Variants in LMX1A observed in about 807,000 individuals in gnomAD.
LMX1A encodes LIM homeobox transcription factor 1 alpha.
In LMX1A, 15 loss-of-function variants were observed where a neutral mutation model predicts 49.1. The ratio of observed to expected loss-of-function variants is 0.31; its 90% CI spans 0.20 to 0.47. The LOEUF (loss-of-function observed/expected upper bound fraction) is 0.47. LMX1A is among the 20% of genes least tolerant of loss of function. LMX1A has a pLI of 1.00. For synonymous variants in LMX1A, 167 were observed against 185.7 expected (o/e 0.90, Z 0.82); for missense variants, 372 against 475.8 (o/e 0.78, Z 2.03).
intron 3 of LMX1A, among the ~76,000 whole-genome samples, chr1:165,251,076 T>C (rs1374251654): frequency 7.1e-6 from 1 of 141,104 alleles, no homozygotes; most frequent in Middle Eastern, 3.4e-3. Context: ...TTGGGAGTAT[T>C]GAATGGCTTT....
rs560809891 is a variant in LMX1A, at chr1:165,202,367, C to G, written c.*1513G>C. On this transcript the variant is annotated 3_prime_UTR_variant, in exon 9 of 9. Transcript: ENST00000342310. ...ACAATGGCTGCTGGGTCTTCTGTGC[C>G]GAGGATCAGAGGAGTGAGTTGGAAG... 1 of 152,580 alleles carries G rather than the reference C, an allele frequency of 6.6e-6. No individual in the cohort carries two copies. Among genetic ancestry groups the G allele is most frequent in the Non-Finnish European group, 1.5e-5 (1 of 68,100 alleles). The allele number at this position is 152,580 out of a possible 1,614,324, so 9.5% of individuals were successfully genotyped here. A position where few individuals can be genotyped will look rare whatever the true frequency, so the allele number is the denominator to read the frequency against.
At chr1:165,269,948 A>T (rs1653747459) in intron 3 of LMX1A, among the ~76,000 whole-genome samples, 1 of 152,036 alleles carries the variant, frequency 6.6e-6, no homozygotes, top group South Asian at 2.1e-4. Flanking sequence ...TGCTGGGCTT[A>T]ATACCTGGGT....
At chr1:165,323,010 G>A (rs1655467443) in intron 3 of LMX1A, among the ~76,000 whole-genome samples, 1 of 151,954 alleles carries the variant, frequency 6.6e-6, no homozygotes, top group Non-Finnish European at 1.5e-5. Context: ...TTCCTCAAAT[G>A]CTATTTTCTT....
intron 3 of LMX1A, among the ~76,000 whole-genome samples, chr1:165,287,379 G>C (rs866101612): frequency 6.6e-6 from 1 of 152,072 alleles, no homozygotes; most frequent in East Asian, 1.9e-4. Flanking sequence ...TACACCTCTC[G>C]GACTACACCT....
At chr1:165,339,040 C>T (rs1655984883) in intron 3 of LMX1A, among the ~76,000 whole-genome samples, 1 of 152,230 alleles carries the variant, frequency 6.6e-6, no homozygotes, top group African/African-American at 2.4e-5. Context: ...GGTAAAGGCA[C>T]TGCAATAAAT....
At chr1:165,305,387 T>A (rs1654893154) in intron 3 of LMX1A, among the ~76,000 whole-genome samples, 1 of 151,962 alleles carries the variant, frequency 6.6e-6, no homozygotes, top group Non-Finnish European at 1.5e-5. Flanking sequence ...TATAACACCA[T>A]CTGGGATGGA....
rs1571199366 is a variant in LMX1A, at chr1:165,281,526, A to G, written c.264-31886T>C. ...GTCCAGCTCAAACCCAGGAGACTGA[A>G]GAGACTCCAGGATTTCTAGAGGTGA... On this transcript the variant is annotated intron_variant, in intron 3 of 8. Coordinates refer to ENST00000342310, the MANE Select transcript of LMX1A (RefSeq NM_177398.4). 2.0e-5 allele frequency among the ~76,000 whole-genome samples: 3 copies of G among 152,360 alleles called. No homozygotes were observed. The South Asian group carries it at 6.2e-4, about 32-fold the overall frequency.
intron 3 of LMX1A, among the ~76,000 whole-genome samples, chr1:165,318,508 G>A (rs756956966): frequency 3.3e-5 from 5 of 152,198 alleles, no homozygotes; most frequent in South Asian, 2.1e-4. Flanking sequence ...CCATTTGCTC[G>A]TAAGCTGTGG....
At chr1:165,215,055 A>C (rs2881865) in intron 4 of LMX1A, among the ~76,000 whole-genome samples, 151,220 of 152,302 alleles carry the variant, frequency 0.99, 75,086 homozygotes, top group East Asian at 1. Context: ...TGGTGGCTCA[A>C]GCCTATAATC....
intron 4 of LMX1A, among the ~76,000 whole-genome samples, chr1:165,217,803 G>A (rs1223272865): frequency 6.6e-6 from 1 of 152,176 alleles, no homozygotes; most frequent in Non-Finnish European, 1.5e-5. Context: ...GTTTGTCTCT[G>A]GAGTGTTTCT....
At chr1:165,330,297 G>C (rs769943359) in intron 3 of LMX1A, among the ~76,000 whole-genome samples, 3 of 152,142 alleles carry the variant, frequency 2.0e-5, no homozygotes, top group Non-Finnish European at 2.9e-5. Context: ...AACATAGAGA[G>C]ATCCTGTCCC....
intron 3 of LMX1A, among the ~76,000 whole-genome samples, chr1:165,250,863 C>T (rs1653034603): frequency 6.6e-6 from 1 of 152,060 alleles, no homozygotes; most frequent in South Asian, 2.1e-4. Flanking sequence ...GCCAGGCTGG[C>T]AGGCACAAAG....
chr1:165,286,551 G>T (rs917337333), intron 3 of LMX1A, among the ~76,000 whole-genome samples: 1 of 152,146 alleles, frequency 6.6e-6, no homozygotes, highest in African/African-American at 2.4e-5. Context: ...AGTTTCCCCT[G>T]ATTTGGTAAA....
At chr1:165,208,290 G>A (rs1006373345) in intron 6 of LMX1A, among the ~76,000 whole-genome samples, 158 bp from the exon 7 acceptor site, 1 of 152,232 alleles carries the variant, frequency 6.6e-6, no homozygotes. Flanking sequence ...AGCCCCATAT[G>A]CGAGAAGCAT....
At chr1:165,223,913 C>G (rs1366323755) in intron 4 of LMX1A, among the ~76,000 whole-genome samples, 1 of 152,064 alleles carries the variant, frequency 6.6e-6, no homozygotes, top group Admixed American at 6.6e-5. Flanking sequence ...GCTTTGGACT[C>G]AAATATTTTG....
chr1:165,291,082 T>C (rs996919368), intron 3 of LMX1A, among the ~76,000 whole-genome samples: 1 of 152,210 alleles, frequency 6.6e-6, no homozygotes, highest in East Asian at 1.9e-4. Flanking sequence ...ATTACTAACA[T>C]AAGATCTAAG....
Position 165,203,534 on chromosome 1 carries a change from TG to T in LMX1A, c.*345del. 2 of 189,466 alleles carry T rather than the reference TG, an allele frequency of 1.1e-5. No homozygotes were observed. The highest frequency in any genetic ancestry group is 2.2e-5 in the Non-Finnish European group (2 of 89,500). The allele number at this position is 189,466 out of a possible 1,614,324, so 11.7% of individuals were successfully genotyped here. On this transcript the variant is annotated 3_prime_UTR_variant, in exon 9 of 9. Coordinates refer to ENST00000342310, the MANE Select transcript of LMX1A (RefSeq NM_177398.4). Reference sequence around the variant, plus strand: ...ATTGGTGTGTAGATGGATAGACATATGCACCTCTTGACAAGAGCTTCCCCGA... The same window carrying T: ...ATTGGTGTGTAGATGGATAGACATATCACCTCTTGACAAGAGCTTCCCCGA...
intron 3 of LMX1A, among the ~76,000 whole-genome samples, chr1:165,260,860 C>T (rs1041145925): frequency 3.3e-5 from 5 of 152,146 alleles, no homozygotes; most frequent in Admixed American, 6.5e-5. Context: ...TTCTAACTGA[C>T]GGGTGGAAAA....
intron 4 of LMX1A, among the ~76,000 whole-genome samples, chr1:165,241,697 T>C (rs1652661597): frequency 6.6e-6 from 1 of 152,028 alleles, no homozygotes. Flanking sequence ...CAGAGAAGAG[T>C]TGGGCATTTT....
Sources: gnomAD v4.1 joint callset for allele counts (sites outside exome capture counted in the v4.1 genomes callset) on GRCh38, gnomAD v4.1.1 for gene constraint, MANE v1.5 for transcripts, NCBI Gene and HGNC (gene_info 2026-07-23, HGNC 2026-07-21) for gene names.